Variants in NKIRAS1 observed in about 807,000 individuals in gnomAD.
The protein encoded by NKIRAS1 is NF-kappa-B inhibitor-interacting Ras-like protein 1.
Under a neutral mutation model 19.8 loss-of-function variants are expected in NKIRAS1, and 16 were observed. The ratio of observed to expected loss-of-function variants is 0.81; its 90% CI spans 0.55 to 1.23. The LOEUF (loss-of-function observed/expected upper bound fraction) is 1.23. Ranked by LOEUF, NKIRAS1 falls within the 50% of genes most tolerant of loss-of-function variation. The probability of loss-of-function intolerance (pLI) is 0.00; values close to 1 mark genes in which losing one functional copy is unlikely to be tolerated. For missense variants in NKIRAS1, 184 were observed against 220.0 expected, an observed-to-expected ratio of 0.84 and a Z score of 1.04; for synonymous variants, 88 against 79.0, an observed-to-expected ratio of 1.11 and a Z score of -0.61.
intron 1 of NKIRAS1, among the ~76,000 whole-genome samples, chr3:23,939,247 TG>T (rs1705450339): frequency 1.3e-5 from 2 of 151,850 alleles, no homozygotes; most frequent in Non-Finnish European, 2.9e-5. Flanking sequence ...ATACGATAAA[TG>T]TCCAAATCAA....
In NKIRAS1 at chr3:23,892,539, C is replaced by G. The variant is rs1377690418; in HGVS notation, c.*556G>C. ...CTCATGCTAAACATTCTAATTTGAG[C>G]AAAGCTAAATCATGGGTCTTAGTCT... On this transcript the variant is annotated 3_prime_UTR_variant, in exon 5 of 5. Coordinates refer to ENST00000425478, the MANE Select transcript of NKIRAS1 (RefSeq NM_020345.4). 2 of 152,140 alleles carry G rather than the reference C, an allele frequency of 1.3e-5. No individual in the cohort carries two copies. The highest frequency in any genetic ancestry group is 6.6e-5 in the Admixed American group (1 of 15,256). 9.4% of individuals were successfully genotyped at this position (152,140 alleles called of 1,614,324 possible). A position where few individuals can be genotyped will look rare whatever the true frequency, so the allele number is the denominator to read the frequency against.
chr3:23,928,871 C>T (rs545011327), intron 1 of NKIRAS1, among the ~76,000 whole-genome samples: 5 of 151,740 alleles, frequency 3.3e-5, no homozygotes, highest in South Asian at 2.1e-4. Context: ...GTGCGCTGAG[C>T]CTGTAGTCCC....
intron 1 of NKIRAS1, among the ~76,000 whole-genome samples, chr3:23,930,199 T>C (rs1416550742): frequency 8.5e-5 from 13 of 152,138 alleles, no homozygotes; most frequent in African/African-American, 3.1e-4. Context: ...TGGGGGGTAT[T>C]TGCTGATTCT....
chr3:23,944,465 G>A (rs1040373998), intron 1 of NKIRAS1, among the ~76,000 whole-genome samples: 4 of 152,130 alleles, frequency 2.6e-5, no homozygotes, highest in Admixed American at 2.0e-4. Flanking sequence ...TAAATTGCGG[G>A]CATCAATGCA....
chr3:23,921,169 G>T (rs1705057741), upstream of NKIRAS1, among the ~76,000 whole-genome samples: 1 of 152,178 alleles, frequency 6.6e-6, no homozygotes, highest in African/African-American at 2.4e-5. Flanking sequence ...ATTTGGGAAG[G>T]AGAGAAAGGG....
At chr3:23,914,783 T>C (rs1291038347) in intron 1 of NKIRAS1, among the ~76,000 whole-genome samples, 2 of 152,358 alleles carry the variant, frequency 1.3e-5, no homozygotes, top group East Asian at 1.9e-4. Flanking sequence ...GCAAATGTGA[T>C]TGATAAATTA....
intron 3 of NKIRAS1, among the ~76,000 whole-genome samples, chr3:23,910,503 G>C (rs1412907551): frequency 6.6e-6 from 1 of 152,086 alleles, no homozygotes; most frequent in Middle Eastern, 3.2e-3. Flanking sequence ...GTAATGTAAT[G>C]AATTTACACC....
At position 23,890,391 on chromosome 3, in the gene NKIRAS1, G is replaced by T; in HGVS notation, c.*2704C>A. On this transcript the variant is annotated 3_prime_UTR_variant, in exon 5 of 5. Transcript: ENST00000425478. ...ATCCAGCATGGTGGAGTGGTGTTTC[G>T]AAGATGGGTTTGATCACACATACTT... is the stretch of plus-strand genomic sequence containing the variant. 1.2e-6 allele frequency: 1 copy of T among 845,234 alleles called. No homozygotes were observed. Among genetic ancestry groups the T allele is most frequent in the Non-Finnish European group, 1.8e-6 (1 of 565,018 alleles). 52.4% of individuals were successfully genotyped at this position (845,234 alleles called of 1,614,324 possible). A position where few individuals can be genotyped will look rare whatever the true frequency, so the allele number is the denominator to read the frequency against.
chr3:23,926,604 G>A lies in NKIRAS1; in HGVS notation c.-139-15154C>T, dbSNP rs1705219151. 1.3e-5 allele frequency among the ~76,000 whole-genome samples: 2 copies of A among 152,034 alleles called. No individual in the cohort carries two copies. Among genetic ancestry groups the A allele is most frequent in the Admixed American group, 1.3e-4 (2 of 15,252 alleles). ...AGTTTGATGTATAGATTTCATATGA[G>A]AATAGTATTTGTTGCTATAGATATT... On this transcript the variant is annotated intron_variant, in intron 1 of 4. Transcript: ENST00000421515. The surrounding 1 kb of genome is among the most constrained non-coding windows in gnomAD (Gnocchi z 4.3).
At chr3:23,945,511 A>AGAC in intron 1 of NKIRAS1, 1 of 931,888 alleles carries the variant, frequency 1.1e-6, no homozygotes, top group Admixed American at 5.3e-5. Context: ...CGCGGCGCTG[A>AGAC]GGCGGCGGCG....
At chr3:23,943,961 T>C (rs1287354945) in intron 1 of NKIRAS1, among the ~76,000 whole-genome samples, 4 of 152,188 alleles carry the variant, frequency 2.6e-5, no homozygotes, top group Non-Finnish European at 4.4e-5. Context: ...ATTTACATTT[T>C]AAAAATAATA....
chr3:23,944,728 G>A (rs1559518603), intron 1 of NKIRAS1, among the ~76,000 whole-genome samples: 1 of 151,900 alleles, frequency 6.6e-6, no homozygotes, highest in Non-Finnish European at 1.5e-5. Flanking sequence ...CAAGAACATA[G>A]GTCTACTTAA....
intron 3 of NKIRAS1, among the ~76,000 whole-genome samples, chr3:23,905,801 A>AG (rs1702978382): frequency 6.6e-6 from 1 of 151,876 alleles, no homozygotes; most frequent in Non-Finnish European, 1.5e-5. Flanking sequence ...GCTCCAAAAA[A>AG]AAAAAAAAAA....
intron 3 of NKIRAS1, among the ~76,000 whole-genome samples, chr3:23,902,351 CA>C (rs1702605583): frequency 6.6e-6 from 1 of 151,980 alleles, no homozygotes. Flanking sequence ...ATTGAGAAAC[CA>C]AAAATTTACT....
intron 1 of NKIRAS1, among the ~76,000 whole-genome samples, chr3:23,913,040 CA>C (rs1169515621): frequency 0.024 from 1,166 of 47,712 alleles, 8 homozygotes; most frequent in South Asian, 0.097. Flanking sequence ...GACTCCGTCT[CA>C]AAAAAAAAAA....
intron 3 of NKIRAS1, among the ~76,000 whole-genome samples, chr3:23,905,203 G>A (rs1004289206): frequency 1.3e-5 from 2 of 151,992 alleles, no homozygotes; most frequent in African/African-American, 2.4e-5. Flanking sequence ...AAAATCCATA[G>A]GGCAAAAAAT....
upstream of NKIRAS1, chr3:23,919,288 C>T (rs766621970): frequency 3.7e-6 from 6 of 1,608,194 alleles, no homozygotes; most frequent in Middle Eastern, 1.7e-4. Context: ...AGGTTATCCT[C>T]ATTGATCCAT....
intron 1 of NKIRAS1, among the ~76,000 whole-genome samples, chr3:23,914,814 T>C (rs1704147985): frequency 6.6e-6 from 1 of 152,264 alleles, no homozygotes; most frequent in Non-Finnish European, 1.5e-5. Context: ...TTCACACTAC[T>C]AGAATTGTTT....
At position 23,890,759 on chromosome 3, in the gene NKIRAS1, TTAAGG is replaced by T; in HGVS notation, c.*2331_*2335del. ...TTATTTCCTAAGATTTTGTTGTAAC[TTAAGG>T]TATCTTGCTACAGTAGACAGAATTG... On this transcript the variant is annotated 3_prime_UTR_variant, in exon 5 of 5. Coordinates refer to ENST00000425478, the MANE Select transcript of NKIRAS1 (RefSeq NM_020345.4). The T allele has an allele frequency of 1.6e-6, 1 of 625,002 alleles. No individual in the cohort carries two copies. The allele number at this position is 625,002 out of a possible 1,614,324, so 38.7% of individuals were successfully genotyped here.
Sources: allele counts gnomAD v4.1 joint callset (sites outside exome capture counted in the v4.1 genomes callset), GRCh38; gene constraint gnomAD v4.1.1; non-coding constraint Gnocchi (gnomAD v3.1); transcripts MANE v1.5; gene names NCBI Gene and HGNC (gene_info 2026-07-23, HGNC 2026-07-21).